The following PLEKHM2 variants were observed in gnomAD, a reference collection of about 807,000 sequenced individuals.
The protein encoded by PLEKHM2 is pleckstrin homology domain-containing family M member 2.
PLEKHM2 carries 77 observed loss-of-function variants against 116.3 expected under a neutral mutation model. The ratio of observed to expected loss-of-function variants is 0.66; its 90% CI spans 0.55 to 0.80. PLEKHM2 has a LOEUF of 0.80. PLEKHM2 is among the 30% of genes least tolerant of loss of function. The pLI is 0.00. For missense variants in PLEKHM2, 1,183 were observed against 1,354.9 expected (o/e 0.87, Z 1.99); for synonymous variants, 562 against 571.0 (o/e 0.98, Z 0.22).
At position 15,729,880 on chromosome 1, in the gene PLEKHM2, T is replaced by G. The variant is rs775970955; in HGVS notation, c.2159T>G (p.Met720Arg). 12 of 1,613,124 alleles carry G rather than the reference T, an allele frequency of 7.4e-6. No individual in the cohort carries two copies. The highest frequency in any genetic ancestry group is 1.0e-5 in the Non-Finnish European group (12 of 1,179,690). The change falls in exon 14 of 20, where the codon ATG (methionine) becomes AGG (arginine). Residue 720 changes from methionine to arginine, a missense_variant. Physicochemically the swap from Met to Arg is moderately conservative, Grantham distance 91. Around this residue, in one of 3 missense-constraint regions of PLEKHM2, gnomAD observed 594 missense variants for 720.1 expected, o/e 0.82. Transcript: ENST00000375799. The surrounding 1 kb of genome is among the most constrained non-coding windows in gnomAD (Gnocchi z 4.7). ...CCCAGCATCCTGACGGATGCCACCA[T>G]GGAGAAGCTGGCACTGGCCAAATTT... is the stretch of plus-strand genomic sequence containing the variant. ...PYPSILTDAT[M>R]EKLALAKFVA...
At chr1:15,709,382 G>A (rs1018778470) in intron 1 of PLEKHM2, among the ~76,000 whole-genome samples, 4 of 152,154 alleles carry the variant, frequency 2.6e-5, no homozygotes, top group African/African-American at 4.8e-5. Context: ...CGGGAGGGAG[G>A]TGGTTACCAG....
chr1:15,707,339 G>A (rs1218867543), intron 1 of PLEKHM2, among the ~76,000 whole-genome samples: 1 of 152,028 alleles, frequency 6.6e-6, no homozygotes, highest in Non-Finnish European at 1.5e-5. Context: ...AGGCTGAGCT[G>A]GGAGGATCAC....
chr1:15,695,737 C>T (rs543347895), intron 1 of PLEKHM2, among the ~76,000 whole-genome samples: 1 of 152,210 alleles, frequency 6.6e-6, no homozygotes, highest in East Asian at 1.9e-4. Flanking sequence ...GTCTCCAACT[C>T]AGGTGATCTG....
chr1:15,690,390 T>G (rs1018831706), intron 1 of PLEKHM2, among the ~76,000 whole-genome samples: 6 of 152,226 alleles, frequency 3.9e-5, no homozygotes, highest in Admixed American at 2.6e-4. Flanking sequence ...TGCTGTTTCT[T>G]CAAGCTCCAA....
chr1:15,687,120 GC>G (rs71002919), intron 1 of PLEKHM2, among the ~76,000 whole-genome samples: 31,380 of 151,612 alleles, frequency 0.21, 3,495 homozygotes, highest in African/African-American at 0.28. Flanking sequence ...ATGGGATTTC[GC>G]CCATATTGGT....
At chr1:15,732,100 C>A (rs931990015) in intron 17 of PLEKHM2, 52 bp downstream of exon 17, 9 of 1,522,548 alleles carry the variant, frequency 5.9e-6, no homozygotes, top group Non-Finnish European at 8.1e-6. Context: ...CCCACCCAGA[C>A]CCCCAGGGTC....
intron 1 of PLEKHM2, among the ~76,000 whole-genome samples, chr1:15,705,457 T>C (rs746905072): frequency 6.6e-6 from 1 of 152,014 alleles, no homozygotes; most frequent in African/African-American, 2.4e-5. Flanking sequence ...GCTGGGATTA[T>C]AGGCGTGAGC....
Position 15,731,225 on chromosome 1 carries a change from C to T in PLEKHM2, c.2433C>T (p.Thr811=), listed in dbSNP as rs772926237. Residue 811 remains threonine (T), a synonymous_variant, in exon 16 of 20, where the codon ACC becomes ACT. Coordinates refer to ENST00000375799, the MANE Select transcript of PLEKHM2 (RefSeq NM_015164.4). Reference sequence around the variant, plus strand: ...TCCTCTACCAGTACCCGGACCGCACCGACGTCATCCCTCTGCTCTCGGTGA... The same window carrying T: ...TCCTCTACCAGTACCCGGACCGCACTGACGTCATCCCTCTGCTCTCGGTGA... ...NGILYQYPDR[T]DVIPLLSVNM... 2.3e-5 allele frequency: 37 copies of T among 1,598,400 alleles called. No homozygotes were observed. Among genetic ancestry groups the T allele is most frequent in the Middle Eastern group, 1.7e-4 (1 of 6,044 alleles).
At chr1:15,685,541 G>GA (rs200301672) in intron 1 of PLEKHM2, among the ~76,000 whole-genome samples, 16,016 of 73,664 alleles carry the variant, frequency 0.22, 998 homozygotes, top group Middle Eastern at 0.28. Flanking sequence ...CTCAGAAACT[G>GA]AAAAAAAAAA....
Position 15,696,507 on chromosome 1 carries a change from C to T in PLEKHM2, c.60+11889C>T, listed in dbSNP as rs200618954. On this transcript the variant is annotated intron_variant, in intron 1 of 19. Coordinates refer to ENST00000375799, the MANE Select transcript of PLEKHM2 (RefSeq NM_015164.4). ...CTGGGATTATAGGCGCCCGCCACCA[C>T]GCCCGGCTAATTTTTGTATTTTTAG... is the stretch of plus-strand genomic sequence containing the variant. Among the ~76,000 whole-genome samples the T allele has an allele frequency of 2.2e-4, 33 of 152,204 alleles. 1 individual carries two copies. The East Asian group carries it at 3.7e-3, about 17-fold the overall frequency.
Position 15,717,931 on chromosome 1 carries a change from T to C in PLEKHM2, c.316T>C (p.Leu106=), listed in dbSNP as rs1015462025. ...WLYLALNENS[L]ESYLRLFQEN... is the part of the protein sequence containing the mutation. ...GTACCTGGCCCTCAACGAGAACTCC[T>C]TGGAGAGCTACCTGCGGTTGTTCCA... The change falls in exon 4 of 20, where the codon TTG becomes CTG. Residue 106 remains leucine, a synonymous_variant. Coordinates refer to ENST00000375799, the MANE Select transcript of PLEKHM2 (RefSeq NM_015164.4). 21 of 1,600,994 alleles carry C rather than the reference T, an allele frequency of 1.3e-5. No homozygotes were observed. The highest frequency in any genetic ancestry group is 1.6e-4 in the Middle Eastern group (1 of 6,076).
chr1:15,690,066 T>TG (rs1342565095), intron 1 of PLEKHM2, among the ~76,000 whole-genome samples: 5 of 147,960 alleles, frequency 3.4e-5, no homozygotes, highest in African/African-American at 1.3e-4. Context: ...GAGGTTTTTT[T>TG]TTTTTTTGTT....
At chr1:15,707,950 T>C (rs1641257646) in intron 1 of PLEKHM2, among the ~76,000 whole-genome samples, 1 of 152,182 alleles carries the variant, frequency 6.6e-6, no homozygotes, top group African/African-American at 2.4e-5. Context: ...AGTGACGTGA[T>C]CTCAGGTCAC....
Position 15,729,114 on chromosome 1 carries a change from C to T in PLEKHM2, c.1999C>T (p.Gln667Ter). ...ELDYVSVGLD[Q>*]QTVKLVCTNR... Reference sequence around the variant, plus strand: ...TGGTTTCTGGCAGGTTGGCCTTGACCAGCAGACGGTGAAGCTGGTGTGCAC... The same window carrying T: ...TGGTTTCTGGCAGGTTGGCCTTGACTAGCAGACGGTGAAGCTGGTGTGCAC... The change falls in exon 13 of 20, where the codon CAG becomes TAG. Residue 667 changes from glutamine to a stop codon, truncating the protein, a stop_gained. Transcript: ENST00000375799. LOFTEE classifies it high-confidence loss of function. The surrounding 1 kb of genome is among the most constrained non-coding windows in gnomAD (Gnocchi z 4.7). The T allele has an allele frequency of 6.2e-7, 1 of 1,609,608 alleles. No individual in the cohort carries two copies. The highest frequency in any genetic ancestry group is 8.5e-7 in the Non-Finnish European group (1 of 1,178,212).
intron 1 of PLEKHM2, among the ~76,000 whole-genome samples, chr1:15,705,037 G>A (rs563529822): frequency 6.6e-6 from 1 of 152,104 alleles, no homozygotes; most frequent in Non-Finnish European, 1.5e-5. Flanking sequence ...GTCTAACGCA[G>A]CCCTGGCGGC....
chr1:15,732,096 C>T (rs2068152701), intron 17 of PLEKHM2, 48 bp downstream of exon 17: 2 of 1,555,074 alleles, frequency 1.3e-6, no homozygotes, highest in African/African-American at 1.4e-5. Flanking sequence ...CTGACCCACC[C>T]AGACCCCCAG....
chr1:15,687,945 T>C (rs1640806398), intron 1 of PLEKHM2, among the ~76,000 whole-genome samples: 1 of 152,246 alleles, frequency 6.6e-6, no homozygotes, highest in South Asian at 2.1e-4. Context: ...AGATCCATTG[T>C]GTATTTCTAT....
rs755893831 is a variant in PLEKHM2, at chr1:15,727,145, C to G, written c.1073C>G (p.Pro358Arg). The G allele has an allele frequency of 6.3e-7, 1 of 1,596,684 alleles. No homozygotes were observed. Among genetic ancestry groups the G allele is most frequent in the South Asian group, 1.1e-5 (1 of 88,838 alleles). ...GACGGTGACAGCCGCAACGGCAGCC[C>G]AAGCCTTGGGCGGGACTCGCCAGAC... is the stretch of plus-strand genomic sequence containing the variant. ...QGDGDSRNGS[P>R]SLGRDSPDTM... is the part of the protein sequence containing the mutation. The change falls in exon 9 of 20, where the codon CCA becomes CGA. Residue 358 changes from proline (P) to arginine (R), a missense_variant. Coordinates refer to ENST00000375799, the MANE Select transcript of PLEKHM2 (RefSeq NM_015164.4). This position sits in a 1 kb window ranked among gnomAD's most constrained non-coding sequence, Gnocchi z 7.5.
At chr1:15,700,802 C>T (rs1302537976) in intron 1 of PLEKHM2, among the ~76,000 whole-genome samples, 1 of 152,138 alleles carries the variant, frequency 6.6e-6, no homozygotes, top group Non-Finnish European at 1.5e-5. Context: ...GTGATTTATT[C>T]CTTGGATCAC....
Sources: allele counts gnomAD v4.1 joint callset (sites outside exome capture counted in the v4.1 genomes callset), GRCh38; gene constraint gnomAD v4.1.1; regional missense constraint gnomAD v4.1.1; non-coding constraint Gnocchi (gnomAD v3.1); transcripts MANE v1.5; gene names NCBI Gene and HGNC (gene_info 2026-07-23, HGNC 2026-07-21).